Variants in ADARB1 observed in about 807,000 individuals in gnomAD.
ADARB1 encodes the protein double-stranded RNA-specific editase 1.
Under a neutral mutation model 52.4 loss-of-function variants are expected in ADARB1, and 10 were observed. The observed-to-expected ratio is 0.19, with a 90% confidence interval of 0.12 to 0.32. The LOEUF is 0.32. ADARB1 is among the 10% of genes least tolerant of loss of function. The pLI is 1.00. For synonymous variants in ADARB1, 349 were observed against 371.1 expected, an observed-to-expected ratio of 0.94 and a Z score of 0.68; for missense variants, 643 against 922.3, an observed-to-expected ratio of 0.70 and a Z score of 3.92.
At chr21:45,140,505 G>C (rs993444821) in intron 2 of ADARB1, among the ~76,000 whole-genome samples, 2 of 152,146 alleles carry the variant, frequency 1.3e-5, no homozygotes, top group East Asian at 1.9e-4. Context: ...AGCGTTGAGT[G>C]ACCTCTGCAG....
chr21:45,194,688 T>C (rs757577838), intron 8 of ADARB1, among the ~76,000 whole-genome samples: 1 of 152,250 alleles, frequency 6.6e-6, no homozygotes, highest in Non-Finnish European at 1.5e-5. Flanking sequence ...ATACAGTATG[T>C]AGCCTTTTCA....
intron 5 of ADARB1, among the ~76,000 whole-genome samples, 182 bp from the exon 6 acceptor site, chr21:45,182,403 T>G (rs534995099): frequency 1.6e-4 from 24 of 152,334 alleles, no homozygotes; most frequent in African/African-American, 5.8e-4. Flanking sequence ...GGAGGTTGTT[T>G]GCGTGTATAC....
Position 45,100,356 on chromosome 21 carries a change from A to C in ADARB1, c.-220+25563A>C, listed in dbSNP as rs576001212. ...GTTCCCAAGTCAAATACTGCATTGC[A>C]CTGAACACCAGAGCAGCAGTGCATT... On this transcript the variant is annotated intron_variant, in intron 1 of 10. Coordinates refer to ENST00000348831, the MANE Select transcript of ADARB1 (RefSeq NM_001112.4). 6 of 152,310 alleles carry C rather than the reference A, an allele frequency of 3.9e-5. No homozygotes were observed. The South Asian group carries it at 1.2e-3, about 32-fold the overall frequency. 9.4% of individuals were successfully genotyped at this position (152,310 alleles called of 1,614,324 possible). A position where few individuals can be genotyped will look rare whatever the true frequency, so the allele number is the denominator to read the frequency against.
intron 6 of ADARB1, among the ~76,000 whole-genome samples, chr21:45,183,090 A>G (rs2091984224): frequency 6.6e-6 from 1 of 152,236 alleles, no homozygotes; most frequent in Non-Finnish European, 1.5e-5. Flanking sequence ...CTAGTCATGT[A>G]TCCAAACTCC....
At chr21:45,182,493 G>A (rs2091963586) in intron 5 of ADARB1, 92 bp from the exon 6 acceptor site, 2 of 1,388,064 alleles carry the variant, frequency 1.4e-6, no homozygotes, top group Non-Finnish European at 1.9e-6. Flanking sequence ...GAAAAGTTAA[G>A]TCACTGAGAA....
chr21:45,183,117 A>AT (rs2091984924), intron 6 of ADARB1, among the ~76,000 whole-genome samples: 3 of 152,170 alleles, frequency 2.0e-5, no homozygotes, highest in African/African-American at 7.2e-5. Context: ...TTACAAAGCC[A>AT]TTTTTTGTAT....
At chr21:45,180,232 G>A in intron 4 of ADARB1, 98 bp from the exon 5 acceptor site, 2 of 822,404 alleles carry the variant, frequency 2.4e-6, no homozygotes, top group South Asian at 1.5e-5. Context: ...GAAGCAGCCT[G>A]TGTCACTCCA....
At chr21:45,196,662 G>A (rs1253473538) in intron 8 of ADARB1, among the ~76,000 whole-genome samples, 1 of 152,172 alleles carries the variant, frequency 6.6e-6, no homozygotes, top group Non-Finnish European at 1.5e-5. Flanking sequence ...TTTTTAAAAT[G>A]GGCAAAATGT....
At chr21:45,120,843 T>C (rs541169514) in intron 1 of ADARB1, 4 of 152,336 alleles carry the variant, frequency 2.6e-5, no homozygotes, top group African/African-American at 9.6e-5. Flanking sequence ...TAATGGAAAT[T>C]TACAAAAATA....
chr21:45,175,880 A>T lies in ADARB1; in HGVS notation c.179A>T (p.Asn60Ile). 1.2e-6 allele frequency: 2 copies of T among 1,613,316 alleles called. No individual in the cohort carries two copies. The highest frequency in any genetic ancestry group is 1.7e-6 in the Non-Finnish European group (2 of 1,179,684). ...AAGCGGCCCCTGGAGGAGGGCAGCA[A>T]TGGCCACTCCAAGTACCGCCTGAAG... ...GRKRPLEEGS[N>I]GHSKYRLKKR... Residue 60 changes from asparagine (N) to isoleucine (I), a missense_variant, in exon 4 of 11, where the codon AAT (asparagine) becomes ATT (isoleucine). Physicochemically the swap from Asn to Ile is moderately radical, Grantham distance 149. Transcript: ENST00000348831.
At position 45,074,783 on chromosome 21, in the gene ADARB1, C is replaced by A. The variant is rs2085844474; in HGVS notation, c.-230C>A. 1 of 147,126 alleles carries A rather than the reference C, an allele frequency of 6.8e-6. No homozygotes were observed. Among genetic ancestry groups the A allele is most frequent in the South Asian group, 1.8e-4 (1 of 5,436 alleles). 9.1% of individuals were successfully genotyped at this position (147,126 alleles called of 1,614,324 possible). On this transcript the variant is annotated 5_prime_UTR_variant, in exon 1 of 11. The change creates a new upstream start codon in the 5' untranslated region. Transcript: ENST00000348831. Reference sequence around the variant, plus strand: ...GTGCGGAGGACCAGGCGCGGCGCGGCTGCGGCTGAGGTGAGGGCGGCGCGG... The same window carrying A: ...GTGCGGAGGACCAGGCGCGGCGCGGATGCGGCTGAGGTGAGGGCGGCGCGG...
intron 1 of ADARB1, among the ~76,000 whole-genome samples, chr21:45,081,801 T>A (rs2086162408): frequency 6.6e-6 from 1 of 152,186 alleles, no homozygotes; most frequent in African/African-American, 2.4e-5. Flanking sequence ...AACAGCCTTC[T>A]GGCTAGAAGG....
rs1434373931 is a variant in ADARB1, at chr21:45,157,165, G to T, written c.-47-14445G>T. ...TGGGCAGGAGCTCCTCTCAGCTACA[G>T]GGTGCATTTCAAGCACAGGTGCATA... On this transcript the variant is annotated intron_variant, in intron 2 of 10. Coordinates refer to ENST00000348831, the MANE Select transcript of ADARB1 (RefSeq NM_001112.4). The surrounding 1 kb of genome is among the most constrained non-coding windows in gnomAD (Gnocchi z 4.1). Among the ~76,000 whole-genome samples the T allele has an allele frequency of 6.6e-6, 1 of 152,230 alleles. No homozygotes were observed. Among genetic ancestry groups the T allele is most frequent in the Non-Finnish European group, 1.5e-5 (1 of 68,042 alleles).
Position 45,222,668 on chromosome 21 carries a change from A to G in ADARB1, c.*471A>G. The G allele has an allele frequency of 1.0e-6, 1 of 987,798 alleles. No homozygotes were observed. The allele number at this position is 987,798 out of a possible 1,614,324, so 61.2% of individuals were successfully genotyped here. ...ATTTTAATTGCAAAAAAGCATCTATATATGGAGGAGGGTGGGAAAATAGAG... is the reference window on the plus strand; with the variant it reads ...ATTTTAATTGCAAAAAAGCATCTATGTATGGAGGAGGGTGGGAAAATAGAG... On this transcript the variant is annotated 3_prime_UTR_variant, in exon 11 of 11. Transcript: ENST00000348831.
At chr21:45,154,485 A>T (rs2090457081) in intron 2 of ADARB1, among the ~76,000 whole-genome samples, 1 of 152,246 alleles carries the variant, frequency 6.6e-6, no homozygotes, top group Non-Finnish European at 1.5e-5. Flanking sequence ...AAGGTACTGT[A>T]AATCATGTGT....
At chr21:45,143,999 C>T (rs539309998) in intron 2 of ADARB1, among the ~76,000 whole-genome samples, 8 of 152,124 alleles carry the variant, frequency 5.3e-5, no homozygotes, top group East Asian at 1.9e-4. Context: ...CAGATGTTAA[C>T]GTCTTTGTTC....
At chr21:45,086,974 A>G (rs1188434424) in intron 1 of ADARB1, among the ~76,000 whole-genome samples, 1 of 152,230 alleles carries the variant, frequency 6.6e-6, no homozygotes, top group East Asian at 1.9e-4. Context: ...TGAGCCTACT[A>G]TAGGATGAAA....
chr21:45,147,301 AT>A (rs1174814953), intron 2 of ADARB1, among the ~76,000 whole-genome samples: 4 of 152,204 alleles, frequency 2.6e-5, no homozygotes, highest in Non-Finnish European at 4.4e-5. Context: ...AAGAGGTTTT[AT>A]TGTTTCTTAT....
At chr21:45,112,118 C>T (rs1202445516) in intron 1 of ADARB1, among the ~76,000 whole-genome samples, 5 of 152,220 alleles carry the variant, frequency 3.3e-5, no homozygotes, top group Admixed American at 6.5e-5. Context: ...TCATGGAATT[C>T]TGGACTCTCT....
Sources: gnomAD v4.1 joint callset for allele counts (sites outside exome capture counted in the v4.1 genomes callset) on GRCh38, gnomAD v4.1.1 for gene constraint, Gnocchi (gnomAD v3.1) non-coding constraint, MANE v1.5 for transcripts, NCBI Gene and HGNC (gene_info 2026-07-23, HGNC 2026-07-21) for gene names.